KNTC1: variants seen among roughly 807,000 people sequenced by gnomAD.
KNTC1 encodes the protein kinetochore associated 1, also known as kinetochore-associated protein 1.
A neutral mutation model predicts 314.4 loss-of-function variants in KNTC1; 253 were observed. That is an observed-to-expected ratio of 0.80 (90% CI 0.73 to 0.89). The LOEUF is 0.89. Ranked by LOEUF, KNTC1 falls within the 40% of genes least tolerant of loss-of-function variation. KNTC1 has a pLI of 0.00. For synonymous variants in KNTC1, 901 were observed against 901.4 expected, an observed-to-expected ratio of 1.00 and a Z score of 0.01; for missense variants, 2,475 against 2,572.9, an observed-to-expected ratio of 0.96 and a Z score of 0.82.
intron 5 of KNTC1, among the ~76,000 whole-genome samples, chr12:122,541,261 T>TTGCCTGCCTGCCTGCCTGCCTGCC (rs201311150): frequency 1.9e-4 from 26 of 137,286 alleles, no homozygotes; most frequent in African/African-American, 7.3e-4. Flanking sequence ...TTGTTTGTGC[T>TTGCCTGCCTGCCTGCCTGCCTGCC]TGCCTGCCTG....
intron 16 of KNTC1, among the ~76,000 whole-genome samples, chr12:122,554,076 A>AAAAAAAATATATATAT (rs370146333): frequency 1.8e-5 from 2 of 109,062 alleles, no homozygotes; most frequent in South Asian, 3.2e-4. Flanking sequence ...AAAAAAAAAA[A>AAAAAAAATATATATAT]ATATATATAT....
At position 122,542,059 on chromosome 12, in the gene KNTC1, A is replaced by G. The variant is rs781099032; in HGVS notation, c.455A>G (p.Tyr152Cys). ...EKDGSNEGTY[Y>C]MLLLTYSGFF... is the part of the protein sequence containing the mutation. ...GATTTTATTTCAATAGGTACCTATT[A>G]TATGCTACTTCTTACATACAGTGGA... The change falls in exon 6 of 64, where the codon TAT becomes TGT. Residue 152 changes from tyrosine to cysteine, a missense_variant. By Grantham distance (194) the Tyr-to-Cys change is radical (BLOSUM62 -2). Transcript: ENST00000333479. 9 of 1,534,612 alleles carry G rather than the reference A, an allele frequency of 5.9e-6. No individual in the cohort carries two copies. In the East Asian group the frequency reaches 1.9e-4, roughly 32 times the overall value.
At position 122,588,567 on chromosome 12, in the gene KNTC1, C is replaced by T. The variant is rs868736278; in HGVS notation, c.3895-145C>T. ...TCTTTGCTCCCTCCCAGTCAGTCCC[C>T]CACCCCTTTCTAGCACTATAGGTTA... is the stretch of plus-strand genomic sequence containing the variant. On this transcript the variant is annotated intron_variant, in intron 39 of 63. Coordinates refer to ENST00000333479, the MANE Select transcript of KNTC1 (RefSeq NM_014708.6). The T allele has an allele frequency of 3.0e-5, 18 of 591,034 alleles. No homozygotes were observed. In the Middle Eastern group the frequency reaches 1.9e-3, roughly 63 times the overall value. 36.6% of individuals were successfully genotyped at this position (591,034 alleles called of 1,614,324 possible).
rs545915810 is a variant in KNTC1 at position 122,559,191 on chromosome 12, C to T, written c.1488+1502C>T. 2.3e-3 allele frequency among the ~76,000 whole-genome samples: 342 copies of T among 151,668 alleles called. 1 individual carries two copies. Among genetic ancestry groups the T allele is most frequent in the Non-Finnish European group, 4.0e-3 (274 of 67,852 alleles). On this transcript the variant is annotated intron_variant, in intron 18 of 63. Coordinates refer to ENST00000333479, the MANE Select transcript of KNTC1 (RefSeq NM_014708.6). ...GTGAAACCCCGTCTCTACTAAAATA[C>T]AAAAAATACAAAAAATTATCCAGGC...
In KNTC1 at chr12:122,586,690, A is replaced by G; in HGVS notation, c.3674-11A>G. The G allele has an allele frequency of 7.1e-7, 1 of 1,413,296 alleles. No homozygotes were observed. The highest frequency in any genetic ancestry group is 9.5e-7 in the Non-Finnish European group (1 of 1,054,570). The allele number at this position is 1,413,296 out of a possible 1,614,324, so 87.5% of individuals were successfully genotyped here. A position where few individuals can be genotyped will look rare whatever the true frequency, so the allele number is the denominator to read the frequency against. On this transcript the variant is annotated splice_polypyrimidine_tract_variant and intron_variant, in intron 37 of 63. Transcript: ENST00000333479. ...ATTTAGTGTTGTTTAATGTTTTATTATCTTTTGTAGAAAGCAAGAGATATC... is the reference window on the plus strand; with the variant it reads ...ATTTAGTGTTGTTTAATGTTTTATTGTCTTTTGTAGAAAGCAAGAGATATC...
chr12:122,578,459 G>A (rs186342938), intron 31 of KNTC1, among the ~76,000 whole-genome samples: 64 of 151,482 alleles, frequency 4.2e-4, no homozygotes, highest in Admixed American at 1.1e-3. Context: ...GTCTTGCTCT[G>A]TTGCTCAGGC....
At position 122,603,123 on chromosome 12, in the gene KNTC1, A is replaced by G. The variant is rs774478500; in HGVS notation, c.4981A>G (p.Thr1661Ala). 1.2e-6 allele frequency: 2 copies of G among 1,613,728 alleles called. No homozygotes were observed. The highest frequency in any genetic ancestry group is 1.7e-6 in the Non-Finnish European group (2 of 1,179,846). ...GAAGTTAACACAAGCTAAATCCTCA[A>G]CACTGATTAACAAGGAAATAACTAA... Reference protein sequence around the residue: ...LLKLTQAKSSTLINKEITKIT... With the variant: ...LLKLTQAKSSALINKEITKIT... Residue 1661 changes from threonine (T) to alanine (A), a missense_variant, in exon 48 of 64, where the codon ACA (threonine) becomes GCA (alanine). By Grantham distance (58) the Thr-to-Ala change is moderately conservative. Transcript: ENST00000333479.
Position 122,561,906 on chromosome 12 carries a change from A to C in KNTC1, c.1489-15A>C, listed in dbSNP as rs1258117028. 3.9e-6 allele frequency: 6 copies of C among 1,551,628 alleles called. No homozygotes were observed. The highest frequency in any genetic ancestry group is 5.3e-6 in the Non-Finnish European group (6 of 1,130,946). On this transcript the variant is annotated splice_polypyrimidine_tract_variant and intron_variant, in intron 18 of 63. Transcript: ENST00000333479. ...AGATATTCTTCTAACTGTATTTCTT[A>C]TTATTCTTACTTAGCTTTTGAAGAA...
intron 18 of KNTC1, among the ~76,000 whole-genome samples, chr12:122,559,237 T>TC (rs1963816926): frequency 6.6e-6 from 1 of 151,952 alleles, no homozygotes; most frequent in South Asian, 2.1e-4. Flanking sequence ...GCACCTGTAG[T>TC]CCCAGGAGGC....
chr12:122,569,260 A>G (rs978748369), intron 21 of KNTC1, among the ~76,000 whole-genome samples: 1 of 152,210 alleles, frequency 6.6e-6, no homozygotes, highest in African/African-American at 2.4e-5. Context: ...AGATGTTGCT[A>G]CTGCAGCTCA....
intron 44 of KNTC1, among the ~76,000 whole-genome samples, chr12:122,599,362 A>C (rs1221053613): frequency 1.9e-5 from 1 of 52,182 alleles, no homozygotes; most frequent in African/African-American, 1.2e-4. Flanking sequence ...CAGGGAAAAA[A>C]ATTTTTTTTT....
At chr12:122,603,580 C>A (rs1291009549) in intron 48 of KNTC1, among the ~76,000 whole-genome samples, 1 of 152,030 alleles carries the variant, frequency 6.6e-6, no homozygotes, top group African/African-American at 2.4e-5. Flanking sequence ...GCAACCTCCA[C>A]CTCCCGGGTT....
At chr12:122,548,348 T>G (rs980309008) in intron 12 of KNTC1, among the ~76,000 whole-genome samples, 5 of 152,048 alleles carry the variant, frequency 3.3e-5, no homozygotes, top group African/African-American at 4.8e-5. Context: ...TAGCTGGGAT[T>G]ACAGGTGCCT....
chr12:122,603,172 G>T lies in KNTC1; in HGVS notation c.5030G>T (p.Cys1677Phe), dbSNP rs1024816135. The T allele has an allele frequency of 5.6e-6, 9 of 1,613,030 alleles. No individual in the cohort carries two copies. The highest frequency in any genetic ancestry group is 5.1e-6 in the Non-Finnish European group (6 of 1,179,664). The change falls in exon 48 of 64, where the codon TGC becomes TTC. Residue 1677 changes from cysteine (C) to phenylalanine (F), a missense_variant. Coordinates refer to ENST00000333479, the MANE Select transcript of KNTC1 (RefSeq NM_014708.6). ...AAGATCACGCAGACCATCGAATCCT[G>T]CTTACTCTCTATAGTCAACCCAGAG... ...ITKITQTIES[C>F]LLSIVNPEWA...
intron 18 of KNTC1, among the ~76,000 whole-genome samples, chr12:122,558,810 A>G (rs1963777940): frequency 6.6e-6 from 1 of 152,126 alleles, no homozygotes; most frequent in African/African-American, 2.4e-5. Flanking sequence ...TGGTAGGCAG[A>G]GGTTAGGGTG....
intron 55 of KNTC1, 149 bp downstream of exon 55, chr12:122,613,910 A>C: frequency 1.3e-5 from 9 of 714,398 alleles, no homozygotes; most frequent in South Asian, 3.6e-5. Context: ...GTGTGATCTC[A>C]GCTCACTGCA....
intron 5 of KNTC1, among the ~76,000 whole-genome samples, chr12:122,540,047 G>C (rs1335043212): frequency 6.6e-6 from 1 of 151,906 alleles, no homozygotes. Context: ...GCCTCCCAAA[G>C]TGCTGGGATT....
At chr12:122,553,231 A>G (rs1470744941) in intron 16 of KNTC1, among the ~76,000 whole-genome samples, 1 of 151,968 alleles carries the variant, frequency 6.6e-6, no homozygotes. Flanking sequence ...AAGGAAGGGC[A>G]GGGGACTTGA....
intron 38 of KNTC1, among the ~76,000 whole-genome samples, 195 bp from the exon 39 acceptor site, chr12:122,587,516 C>A (rs1002411270): frequency 6.6e-6 from 1 of 152,180 alleles, no homozygotes; most frequent in South Asian, 2.1e-4. Context: ...ATCAAAGGAT[C>A]TCATTAACTA....
Sources: allele counts gnomAD v4.1 joint callset (sites outside exome capture counted in the v4.1 genomes callset), GRCh38; gene constraint gnomAD v4.1.1; transcripts MANE v1.5; gene names NCBI Gene and HGNC (gene_info 2026-07-23, HGNC 2026-07-21).